HMGB1: variants seen among roughly 807,000 people sequenced by gnomAD.
HMGB1 encodes the protein high mobility group box 1.
For synonymous variants in HMGB1, 81 were observed against 84.0 expected (o/e 0.96, Z 0.19); for missense variants, 79 against 253.5 (o/e 0.31, Z 4.67).
At chr13:30,593,495 T>C (rs1389489396) in intron 1 of HMGB1, among the ~76,000 whole-genome samples, 2 of 152,204 alleles carry the variant, frequency 1.3e-5, no homozygotes, top group African/African-American at 4.8e-5. Flanking sequence ...AAAGTTCACC[T>C]CAATGCCAAG....
At chr13:30,521,551 A>C (rs1395541864) in intron 1 of HMGB1, among the ~76,000 whole-genome samples, 1 of 152,178 alleles carries the variant, frequency 6.6e-6, no homozygotes, top group African/African-American at 2.4e-5. Flanking sequence ...TGAGCCCTTC[A>C]TATCCTTTTA....
At chr13:30,579,965 C>T (rs951478481) in intron 1 of HMGB1, among the ~76,000 whole-genome samples, 1 of 152,094 alleles carries the variant, frequency 6.6e-6, no homozygotes, top group Non-Finnish European at 1.5e-5. Context: ...AATGAAGTCG[C>T]TCAATTGGGA....
chr13:30,537,331 CGTT>C lies in HMGB1; in HGVS notation c.-14-73640_-14-73638del, dbSNP rs530874761. 1.6e-4 allele frequency among the ~76,000 whole-genome samples: 25 copies of C among 152,018 alleles called. No homozygotes were observed. The East Asian group carries it at 4.1e-3, about 25-fold the overall frequency. ...TGTTTTGATATGGAACTTAGAAAAA[CGTT>C]GTTTTTACTGAAGTATAACATACAG... On this transcript the variant is annotated intron_variant, in intron 1 of 4. Coordinates refer to the HMGB1 transcript ENST00000405805.
intron 1 of HMGB1, among the ~76,000 whole-genome samples, chr13:30,570,491 A>C (rs1870379486): frequency 6.6e-6 from 1 of 152,194 alleles, no homozygotes; most frequent in Admixed American, 6.5e-5. Flanking sequence ...GCTTTCTGAC[A>C]AGCAATTTCA....
At chr13:30,611,045 C>T (rs1321081204) in intron 1 of HMGB1, among the ~76,000 whole-genome samples, 3 of 152,228 alleles carry the variant, frequency 2.0e-5, no homozygotes, top group African/African-American at 7.2e-5. Flanking sequence ...CTCAATTTAG[C>T]TGTCAACCTA....
At chr13:30,519,244 T>G (rs1888170721) in intron 1 of HMGB1, among the ~76,000 whole-genome samples, 1 of 148,516 alleles carries the variant, frequency 6.7e-6, no homozygotes, top group Middle Eastern at 3.6e-3. Flanking sequence ...AATACAAAAA[T>G]TAGGGAGACG....
intron 1 of HMGB1, among the ~76,000 whole-genome samples, chr13:30,491,667 A>G (rs1205226948): frequency 6.6e-6 from 1 of 151,710 alleles, no homozygotes; most frequent in Non-Finnish European, 1.5e-5. Context: ...TCTCAAAAAA[A>G]AAAAAAGAAA....
Position 30,559,459 on chromosome 13 carries a change from G to A in HMGB1, c.-15+57212C>T, listed in dbSNP as rs894744036. On this transcript the variant is annotated intron_variant, in intron 1 of 4. Transcript: ENST00000405805. The surrounding 1 kb of genome is among the most constrained non-coding windows in gnomAD (Gnocchi z 6.6). ...TAACCTGTCAAAAGAATGAAGTGAT[G>A]GAAGCCAGACTCAAACCAACTGTGT... 2.0e-5 allele frequency among the ~76,000 whole-genome samples: 3 copies of A among 152,138 alleles called. No homozygotes were observed. The highest frequency in any genetic ancestry group is 2.4e-5 in the African/African-American group (1 of 41,428).
At position 30,460,408 on chromosome 13, in the gene HMGB1, T is replaced by A. The variant is rs941745373; in HGVS notation, c.*949A>T. On this transcript the variant is annotated 3_prime_UTR_variant, in exon 5 of 5. Coordinates refer to ENST00000341423, the MANE Select transcript of HMGB1 (RefSeq NM_002128.7). ...CACTGAGACTAATGTCAACAAAAAA[T>A]TTAATATGGCAGTCTTGTATTTTAA... 3 of 151,474 alleles carry A rather than the reference T, an allele frequency of 2.0e-5. No homozygotes were observed. The highest frequency in any genetic ancestry group is 4.4e-5 in the Non-Finnish European group (3 of 67,722). 9.4% of individuals were successfully genotyped at this position (151,474 alleles called of 1,614,324 possible). A position where few individuals can be genotyped will look rare whatever the true frequency, so the allele number is the denominator to read the frequency against.
chr13:30,536,808 G>T (rs955808379), intron 1 of HMGB1, among the ~76,000 whole-genome samples: 2 of 151,428 alleles, frequency 1.3e-5, no homozygotes, highest in Non-Finnish European at 2.9e-5. Context: ...GGTTCCTATC[G>T]CTATTTGTCA....
chr13:30,529,113 G>A (rs1888441836), intron 1 of HMGB1, among the ~76,000 whole-genome samples: 1 of 150,652 alleles, frequency 6.6e-6, no homozygotes, highest in African/African-American at 2.4e-5. Context: ...TTATAATTCG[G>A]TATTTCTGGA....
rs71093065 is a variant in HMGB1, at chr13:30,476,118, C to CTTT, written c.-14-12427_-14-12425dup. ...GTTGTGATATCGCAGGTGGCATGTA[C>CTTT]TTTTTTTTTTTTTTTTTTTTTGAGA... On this transcript the variant is annotated intron_variant, in intron 1 of 4. Transcript: ENST00000405805. Among the ~76,000 whole-genome samples the CTTT allele has an allele frequency of 6.1e-3, 666 of 109,386 alleles. 19 individuals carry two copies. Among genetic ancestry groups the CTTT allele is most frequent in the African/African-American group, 8.1e-3 (230 of 28,340 alleles). 71.8% of individuals were successfully genotyped at this position (109,386 alleles called of 152,430 possible). A position where few individuals can be genotyped will look rare whatever the true frequency, so the allele number is the denominator to read the frequency against.
At chr13:30,495,710 C>T (rs1481877449) in intron 1 of HMGB1, among the ~76,000 whole-genome samples, 1 of 152,206 alleles carries the variant, frequency 6.6e-6, no homozygotes, top group African/African-American at 2.4e-5. Flanking sequence ...GATCTCCTGA[C>T]CCTGTGATCC....
At chr13:30,535,382 CTG>C (rs1016876600) in intron 1 of HMGB1, among the ~76,000 whole-genome samples, 1 of 152,164 alleles carries the variant, frequency 6.6e-6, no homozygotes, top group Non-Finnish European at 1.5e-5. Flanking sequence ...GGGGAAAAAA[CTG>C]TGTTTGCATA....
intron 1 of HMGB1, among the ~76,000 whole-genome samples, chr13:30,558,505 AAAGATT>A (rs1869788523): frequency 6.6e-6 from 1 of 152,254 alleles, no homozygotes; most frequent in Admixed American, 6.5e-5. Flanking sequence ...TCATGTAAAA[AAAGATT>A]TTTTTTTTAA....
chr13:30,580,983 T>A (rs1487764701), intron 1 of HMGB1, among the ~76,000 whole-genome samples: 1 of 152,074 alleles, frequency 6.6e-6, no homozygotes. Flanking sequence ...CTCTGTCACC[T>A]AGGCTGGAGT....
chr13:30,538,651 CTT>C (rs1566019109), intron 1 of HMGB1, among the ~76,000 whole-genome samples: 1 of 43,476 alleles, frequency 2.3e-5, no homozygotes, highest in Admixed American at 3.0e-4. Context: ...TCCTTTCTTT[CTT>C]TCTTTCTTTC....
intron 3 of HMGB1, 50 bp from the exon 4 acceptor site, chr13:30,462,762 A>G (rs777649504): frequency 4.1e-6 from 6 of 1,458,458 alleles, no homozygotes; most frequent in Non-Finnish European, 5.7e-6. Flanking sequence ...TCACAAAAAC[A>G]AATACTATCA....
chr13:30,584,489 C>T (rs1453916874), intron 1 of HMGB1, among the ~76,000 whole-genome samples: 2 of 152,218 alleles, frequency 1.3e-5, no homozygotes, highest in Non-Finnish European at 2.9e-5. Context: ...CTTTCCCCAA[C>T]CTCCTAAAAT....
Sources: gnomAD v4.1 joint callset for allele counts (sites outside exome capture counted in the v4.1 genomes callset) on GRCh38, gnomAD v4.1.1 for gene constraint, Gnocchi (gnomAD v3.1) non-coding constraint, MANE v1.5 for transcripts, NCBI Gene and HGNC (gene_info 2026-07-23, HGNC 2026-07-21) for gene names.